The following AUTS2 variants were observed in gnomAD, a reference collection of about 807,000 sequenced individuals.
The protein encoded by AUTS2 is activator of transcription and developmental regulator AUTS2, also known as autism susceptibility gene 2 protein.
AUTS2 carries 17 observed loss-of-function variants against 112.4 expected under a neutral mutation model. The ratio of observed to expected loss-of-function variants is 0.15; its 90% CI spans 0.10 to 0.23. The LOEUF (loss-of-function observed/expected upper bound fraction) is 0.23. AUTS2 is among the 10% of genes least tolerant of loss of function. The pLI is 1.00. For missense variants in AUTS2, 1,510 were observed against 1,701.6 expected, an observed-to-expected ratio of 0.89 and a Z score of 1.98; for synonymous variants, 751 against 702.7, an observed-to-expected ratio of 1.07 and a Z score of -1.09.
chr7:70,432,858 A>C (rs1161435804), intron 4 of AUTS2, among the ~76,000 whole-genome samples: 1 of 152,180 alleles, frequency 6.6e-6, no homozygotes. Context: ...ATGGGAATTT[A>C]ATACCAGAAA....
At chr7:69,989,412 G>C (rs972927289) in intron 2 of AUTS2, among the ~76,000 whole-genome samples, 4 of 152,146 alleles carry the variant, frequency 2.6e-5, no homozygotes, top group African/African-American at 9.7e-5. Flanking sequence ...TGAAATCATG[G>C]ATCTAAAGTG....
chr7:70,377,659 A>G (rs979077965), intron 4 of AUTS2, among the ~76,000 whole-genome samples: 12 of 151,604 alleles, frequency 7.9e-5, no homozygotes, highest in Non-Finnish European at 1.5e-4. Flanking sequence ...AACCCTGCCA[A>G]CCAGCATTCT....
Position 70,790,358 on chromosome 7 carries a change from C to T in AUTS2, c.3142C>T (p.Pro1048Ser), listed in dbSNP as rs770191694. 6.2e-7 allele frequency: 1 copy of T among 1,613,922 alleles called. No homozygotes were observed. Among genetic ancestry groups the T allele is most frequent in the Non-Finnish European group, 8.5e-7 (1 of 1,180,020 alleles). ...SSLDRTRMMT[P>S]FMGISPLPGG... Reference sequence around the variant, plus strand: ...CCTGGACAGGACTCGCATGATGACCCCCTTCATGGGCATCAGCCCCCTCCC... The same window carrying T: ...CCTGGACAGGACTCGCATGATGACCTCCTTCATGGGCATCAGCCCCCTCCC... Residue 1048 changes from proline (P) to serine (S), a missense_variant, in exon 19 of 19, where the codon CCC (proline) becomes TCC (serine). Around this residue, in one of 3 missense-constraint regions of AUTS2, gnomAD observed 788 missense variants for 797.6 expected, o/e 0.99. Coordinates refer to ENST00000342771, the MANE Select transcript of AUTS2 (RefSeq NM_015570.4). The surrounding 1 kb of genome is among the most constrained non-coding windows in gnomAD (Gnocchi z 7.6).
intron 4 of AUTS2, among the ~76,000 whole-genome samples, chr7:70,381,978 A>G (rs531667807): frequency 1.1e-4 from 17 of 152,248 alleles, no homozygotes; most frequent in African/African-American, 4.1e-4. Context: ...AGAAAGACTA[A>G]AAGTCTTCAC....
intron 5 of AUTS2, among the ~76,000 whole-genome samples, chr7:70,586,479 T>G (rs1372424913): frequency 3.3e-5 from 5 of 152,080 alleles, no homozygotes; most frequent in Non-Finnish European, 5.9e-5. Flanking sequence ...TTGGGGTGCA[T>G]GTAAGGAAGG....
chr7:70,322,715 G>T (rs1204466863), intron 4 of AUTS2, among the ~76,000 whole-genome samples: 4 of 152,200 alleles, frequency 2.6e-5, no homozygotes, highest in African/African-American at 9.6e-5. Context: ...GGCCCATTTT[G>T]TTGAGAGAGG....
intron 4 of AUTS2, among the ~76,000 whole-genome samples, chr7:70,419,459 G>C (rs75118884): frequency 1.3e-5 from 2 of 151,852 alleles, no homozygotes; most frequent in African/African-American, 2.4e-5. Context: ...GGAGTTTGCT[G>C]TAAGGTTAAA....
At chr7:69,697,371 A>G (rs1797603162) in intron 1 of AUTS2, among the ~76,000 whole-genome samples, 1 of 152,210 alleles carries the variant, frequency 6.6e-6, no homozygotes, top group Admixed American at 6.5e-5. Context: ...GGTGCCATGC[A>G]CTGAGCTAGG....
chr7:69,617,497 A>T (rs1176568947), intron 1 of AUTS2, among the ~76,000 whole-genome samples: 1 of 152,194 alleles, frequency 6.6e-6, no homozygotes, highest in Non-Finnish European at 1.5e-5. Flanking sequence ...TGAGCAACAC[A>T]GGAGATGTTG....
At chr7:70,502,507 T>G (rs1798807911) in intron 5 of AUTS2, among the ~76,000 whole-genome samples, 2 of 152,196 alleles carry the variant, frequency 1.3e-5, no homozygotes, top group Non-Finnish European at 2.9e-5. Context: ...ATCAAGGATC[T>G]CTTCCTGTTA....
intron 5 of AUTS2, among the ~76,000 whole-genome samples, chr7:70,591,116 G>A (rs1802921572): frequency 6.6e-6 from 1 of 152,158 alleles, no homozygotes; most frequent in Admixed American, 6.5e-5. Flanking sequence ...CTTGAGTAAG[G>A]CTCAGGAAGA....
chr7:70,354,402 A>T (rs1214522036), intron 4 of AUTS2, among the ~76,000 whole-genome samples: 1 of 152,248 alleles, frequency 6.6e-6, no homozygotes, highest in Non-Finnish European at 1.5e-5. Context: ...TTATAAAAAT[A>T]ATAGTACAAG....
chr7:70,388,472 TTA>T (rs1793710141), intron 4 of AUTS2, among the ~76,000 whole-genome samples: 1 of 152,196 alleles, frequency 6.6e-6, no homozygotes, highest in African/African-American at 2.4e-5. Flanking sequence ...ATGACAGGCT[TTA>T]TGTCAGTGTC....
intron 4 of AUTS2, among the ~76,000 whole-genome samples, chr7:70,412,396 C>CTCCA (rs1170904042): frequency 6.6e-6 from 1 of 151,872 alleles, no homozygotes; most frequent in African/African-American, 2.4e-5. Context: ...AATAAGTGAA[C>CTCCA]TCCAGGTCTC....
chr7:70,681,291 G>A (rs1006800835), intron 5 of AUTS2, among the ~76,000 whole-genome samples: 13 of 152,148 alleles, frequency 8.5e-5, no homozygotes, highest in African/African-American at 2.9e-4. Context: ...TGTTGTTGAG[G>A]GAGGAGTAGG....
chr7:70,123,855 G>C (rs1313376154), intron 3 of AUTS2, among the ~76,000 whole-genome samples: 2 of 152,020 alleles, frequency 1.3e-5, no homozygotes, highest in Non-Finnish European at 2.9e-5. Flanking sequence ...TATTCTTCTG[G>C]GTTTATATCC....
intron 2 of AUTS2, among the ~76,000 whole-genome samples, chr7:69,996,408 A>G (rs1011921161): frequency 1.3e-5 from 2 of 152,168 alleles, no homozygotes; most frequent in Non-Finnish European, 2.9e-5. Flanking sequence ...TGTGGATAGC[A>G]AGGGCTTCCT....
chr7:70,196,425 A>G (rs1810177688), intron 4 of AUTS2, among the ~76,000 whole-genome samples: 1 of 152,210 alleles, frequency 6.6e-6, no homozygotes, highest in Non-Finnish European at 1.5e-5. Flanking sequence ...TGCTGAGTAG[A>G]TGGACTGTGA....
chr7:69,852,575 C>T (rs1390046338), intron 1 of AUTS2, among the ~76,000 whole-genome samples: 1 of 152,068 alleles, frequency 6.6e-6, no homozygotes, highest in Non-Finnish European at 1.5e-5. Context: ...GCCTCAGCCT[C>T]CTGAGTAGCT....
Sources: gnomAD v4.1 joint callset for allele counts (sites outside exome capture counted in the v4.1 genomes callset) on GRCh38, gnomAD v4.1.1 for gene constraint, gnomAD v4.1.1 regional missense constraint, Gnocchi (gnomAD v3.1) non-coding constraint, MANE v1.5 for transcripts, NCBI Gene and HGNC (gene_info 2026-07-23, HGNC 2026-07-21) for gene names.